Variants in GOLPH3 observed in about 807,000 individuals in gnomAD.
GOLPH3 encodes golgi phosphoprotein 3, also known as coat protein GPP34.
In GOLPH3, 14 loss-of-function variants were observed where a neutral mutation model predicts 28.5. The observed-to-expected ratio is 0.49, with a 90% CI of 0.32 to 0.77. The LOEUF is 0.77. Among genes scored for constraint, GOLPH3 ranks in the 30% least tolerant of loss-of-function variants. The pLI is 0.03. For missense variants in GOLPH3, 350 were observed against 393.7 expected (o/e 0.89, Z 0.94); for synonymous variants, 158 against 159.2 (o/e 0.99, Z 0.06).
intron 1 of GOLPH3, among the ~76,000 whole-genome samples, chr5:32,148,775 C>T (rs1746235888): frequency 6.6e-6 from 1 of 152,066 alleles, no homozygotes; most frequent in South Asian, 2.1e-4. Flanking sequence ...CCAGCCTGGG[C>T]AAGAGAGCAA....
At chr5:32,151,720 A>G (rs1005899225) in intron 1 of GOLPH3, among the ~76,000 whole-genome samples, 2 of 152,210 alleles carry the variant, frequency 1.3e-5, no homozygotes, top group Non-Finnish European at 2.9e-5. Context: ...ATGAATTTGG[A>G]TAAATATAGT....
At chr5:32,169,044 C>T (rs1040281272) in intron 1 of GOLPH3, among the ~76,000 whole-genome samples, 5 of 151,960 alleles carry the variant, frequency 3.3e-5, no homozygotes, top group South Asian at 2.1e-4. Context: ...GAGACTGAAG[C>T]GGGAGGATCA....
intron 3 of GOLPH3, among the ~76,000 whole-genome samples, chr5:32,131,315 T>A (rs1745820801): frequency 6.6e-6 from 1 of 152,244 alleles, no homozygotes; most frequent in South Asian, 2.1e-4. Flanking sequence ...ATTCTGGAAT[T>A]TCTGCCTTTT....
chr5:32,143,987 T>G, intron 1 of GOLPH3, 107 bp from the exon 2 acceptor site: 1 of 631,492 alleles, frequency 1.6e-6, no homozygotes, highest in Non-Finnish European at 2.5e-6. Context: ...GCCTTTTACC[T>G]TTCCTGTCTT....
intron 1 of GOLPH3, among the ~76,000 whole-genome samples, chr5:32,144,467 G>A (rs1746147119): frequency 6.6e-6 from 1 of 152,204 alleles, no homozygotes; most frequent in East Asian, 1.9e-4. Flanking sequence ...CTGCACACCT[G>A]TAGTCGCAGC....
At chr5:32,138,911 C>T (rs1745997205) in intron 2 of GOLPH3, among the ~76,000 whole-genome samples, 1 of 152,214 alleles carries the variant, frequency 6.6e-6, no homozygotes, top group Admixed American at 6.5e-5. Flanking sequence ...AGCAGAGCCT[C>T]AGGAGAAAAA....
chr5:32,154,648 T>C (rs1339323079), intron 1 of GOLPH3, among the ~76,000 whole-genome samples: 2 of 152,220 alleles, frequency 1.3e-5, no homozygotes, highest in African/African-American at 4.8e-5. Context: ...AAGCTAAGAA[T>C]CCCTAAATTA....
chr5:32,130,755 T>C (rs1389214665), intron 3 of GOLPH3, among the ~76,000 whole-genome samples: 1 of 152,102 alleles, frequency 6.6e-6, no homozygotes, highest in Non-Finnish European at 1.5e-5. Context: ...TCTACAATAT[T>C]TTTTTTTCTC....
chr5:32,130,200 C>G (rs894128672), intron 3 of GOLPH3, among the ~76,000 whole-genome samples: 1 of 152,138 alleles, frequency 6.6e-6, no homozygotes, highest in Non-Finnish European at 1.5e-5. Flanking sequence ...ACTGCTGCAT[C>G]TTTCACTAGT....
rs17435258 is a variant in GOLPH3, at chr5:32,126,028, G to T, written c.*184C>A. 0.013 allele frequency: 7,302 copies of T among 558,818 alleles called. 66 individuals carry two copies. Among genetic ancestry groups the T allele is most frequent in the Non-Finnish European group, 0.016 (5,090 of 326,836 alleles). 34.6% of individuals were successfully genotyped at this position (558,818 alleles called of 1,614,324 possible). On this transcript the variant is annotated 3_prime_UTR_variant, in exon 4 of 4. Coordinates refer to ENST00000265070, the MANE Select transcript of GOLPH3 (RefSeq NM_022130.4). ...GTAAAACTTTTTTTAAAAACAGAAA[G>T]AGGAAGGCCTCTCGTACCAGCAGAA...
intron 1 of GOLPH3, 125 bp downstream of exon 1, chr5:32,173,685 G>A: frequency 1.7e-6 from 1 of 600,888 alleles, no homozygotes; most frequent in Admixed American, 4.5e-5. Context: ...CACCAGGCGC[G>A]GACTTCGGAG....
chr5:32,129,818 A>T (rs2054481), intron 3 of GOLPH3, among the ~76,000 whole-genome samples: 2,062 of 152,200 alleles, frequency 0.014, 54 homozygotes, highest in African/African-American at 0.047. Context: ...GTAGAGGCAC[A>T]CATCTTTCAA....
At chr5:32,158,216 A>C (rs1265498531) in intron 1 of GOLPH3, among the ~76,000 whole-genome samples, 2 of 150,948 alleles carry the variant, frequency 1.3e-5, no homozygotes, top group Non-Finnish European at 3.0e-5. Flanking sequence ...ACCACTCTCC[A>C]TATCAGATAT....
At chr5:32,130,482 T>C (rs1235218335) in intron 3 of GOLPH3, among the ~76,000 whole-genome samples, 7 of 152,218 alleles carry the variant, frequency 4.6e-5, no homozygotes, top group Non-Finnish European at 8.8e-5. Context: ...TATGTTTATG[T>C]TGTCACAAAA....
chr5:32,162,551 G>C (rs1746609835), intron 1 of GOLPH3, among the ~76,000 whole-genome samples: 2 of 152,044 alleles, frequency 1.3e-5, no homozygotes, highest in Admixed American at 1.3e-4. Flanking sequence ...ATCTGAATTT[G>C]AGTAAAACGT....
At chr5:32,132,598 A>G (rs1745845834) in intron 3 of GOLPH3, among the ~76,000 whole-genome samples, 1 of 152,236 alleles carries the variant, frequency 6.6e-6, no homozygotes, top group South Asian at 2.1e-4. Flanking sequence ...TTTCAGTCTG[A>G]GAGCACATTT....
intron 1 of GOLPH3, among the ~76,000 whole-genome samples, chr5:32,163,497 T>C (rs1746639078): frequency 6.6e-6 from 1 of 151,848 alleles, no homozygotes; most frequent in African/African-American, 2.4e-5. Flanking sequence ...TTACTAAAAG[T>C]ACAAAAATTA....
At chr5:32,139,868 T>G (rs1746017675) in intron 2 of GOLPH3, among the ~76,000 whole-genome samples, 1 of 152,092 alleles carries the variant, frequency 6.6e-6, no homozygotes, top group African/African-American at 2.4e-5. Flanking sequence ...TAAAAGAAGG[T>G]ATTACATCCA....
intron 3 of GOLPH3, chr5:32,134,918 C>A (rs750572884): frequency 6.6e-6 from 1 of 152,202 alleles, no homozygotes; most frequent in Non-Finnish European, 1.5e-5. Context: ...AGAAAACTCA[C>A]ATCATGTTAA....
Sources: gnomAD v4.1 joint callset for allele counts (sites outside exome capture counted in the v4.1 genomes callset) on GRCh38, gnomAD v4.1.1 for gene constraint, MANE v1.5 for transcripts, NCBI Gene and HGNC (gene_info 2026-07-23, HGNC 2026-07-21) for gene names.